Variants in PRPF6 observed in about 807,000 individuals in gnomAD.
PRPF6 encodes the protein pre-mRNA processing factor 6.
PRPF6 carries 42 observed loss-of-function variants against 118.3 expected under a neutral mutation model. The ratio of observed to expected loss-of-function variants is 0.35; its 90% CI spans 0.28 to 0.46. The LOEUF (loss-of-function observed/expected upper bound fraction) is 0.46. PRPF6 is among the 20% of genes least tolerant of loss of function. PRPF6 has a pLI of 1.00. For missense variants in PRPF6, 662 were observed against 1,255.7 expected, an observed-to-expected ratio of 0.53 and a Z score of 7.15; for synonymous variants, 481 against 485.1, an observed-to-expected ratio of 0.99 and a Z score of 0.11.
chr20:64,025,886 G>C, intron 14 of PRPF6, 53 bp from the exon 15 acceptor site: 1 of 1,612,846 alleles, frequency 6.2e-7, no homozygotes, highest in Non-Finnish European at 8.5e-7. Context: ...GTGTGATCAG[G>C]CGCTGGTCCC....
chr20:63,981,975 G>C (rs141271876), intron 1 of PRPF6, among the ~76,000 whole-genome samples: 1 of 151,930 alleles, frequency 6.6e-6, no homozygotes, highest in African/African-American at 2.4e-5. Flanking sequence ...AAACGGTGAC[G>C]ATAGAAGAGA....
intron 6 of PRPF6, among the ~76,000 whole-genome samples, chr20:63,996,411 C>T (rs2059141438): frequency 6.6e-6 from 1 of 152,142 alleles, no homozygotes; most frequent in East Asian, 1.9e-4. Context: ...CCTCCCTGGG[C>T]TAAGGCGATC....
At chr20:63,989,133 T>C (rs985568718) in intron 3 of PRPF6, among the ~76,000 whole-genome samples, 3 of 152,162 alleles carry the variant, frequency 2.0e-5, no homozygotes, top group Non-Finnish European at 4.4e-5. Flanking sequence ...GGAATATTTA[T>C]TGGGGAAAAG....
chr20:63,999,833 G>A, intron 8 of PRPF6, 74 bp downstream of exon 8: 13 of 1,552,402 alleles, frequency 8.4e-6, no homozygotes, highest in East Asian at 2.3e-5. Flanking sequence ...ACTTGTTAGA[G>A]CAAATCTCTT....
chr20:64,011,269 T>C lies in PRPF6; in HGVS notation c.1306-16T>C, dbSNP rs1402665321. Reference sequence around the variant, plus strand: ...GCACAGTGTCCTCTCCTTTTTCTCGTGTCCTCTCCGCGTAGCTCTGGCTTG... The same window carrying C: ...GCACAGTGTCCTCTCCTTTTTCTCGCGTCCTCTCCGCGTAGCTCTGGCTTG... On this transcript the variant is annotated splice_polypyrimidine_tract_variant and intron_variant, in intron 10 of 20. Transcript: ENST00000266079. The surrounding 1 kb of genome is among the most constrained non-coding windows in gnomAD (Gnocchi z 6.7). 4.3e-6 allele frequency: 7 copies of C among 1,613,416 alleles called. No individual in the cohort carries two copies. Among genetic ancestry groups the C allele is most frequent in the African/African-American group, 1.3e-5 (1 of 74,916 alleles).
intron 14 of PRPF6, 108 bp from the exon 15 acceptor site, chr20:64,025,831 C>T: frequency 6.3e-7 from 1 of 1,592,896 alleles, no homozygotes; most frequent in South Asian, 1.1e-5. Flanking sequence ...AATCCTGTAG[C>T]AGAGCAAGGC....
chr20:63,985,144 G>T, intron 3 of PRPF6, 119 bp downstream of exon 3: 1 of 768,108 alleles, frequency 1.3e-6, no homozygotes, highest in Non-Finnish European at 2.2e-6. Context: ...TAGGACGATA[G>T]CTAGAGCCCA....
chr20:63,992,017 G>T (rs2059120815), intron 3 of PRPF6, among the ~76,000 whole-genome samples: 1 of 152,170 alleles, frequency 6.6e-6, no homozygotes, highest in Admixed American at 6.6e-5. Context: ...AAGGAAAGGT[G>T]GGATGAGTTC....
At chr20:64,021,783 T>C (rs971979697) in intron 12 of PRPF6, among the ~76,000 whole-genome samples, 8 of 150,276 alleles carry the variant, frequency 5.3e-5, no homozygotes, top group Non-Finnish European at 8.9e-5. Flanking sequence ...GCCCTGTGTG[T>C]GTGCGTGTGT....
intron 7 of PRPF6, among the ~76,000 whole-genome samples, chr20:63,999,387 T>C (rs1013231130): frequency 1.3e-5 from 2 of 152,202 alleles, no homozygotes. Context: ...GTGTCCCACA[T>C]GTCCCATCTG....
At chr20:63,990,384 C>T (rs1039785982) in intron 3 of PRPF6, among the ~76,000 whole-genome samples, 2 of 152,096 alleles carry the variant, frequency 1.3e-5, no homozygotes, top group African/African-American at 2.4e-5. Flanking sequence ...ATGTGCCTGG[C>T]CTGGACATCT....
At chr20:64,021,988 C>CTGTGTGTGTGTGTGTGTGTG (rs111363019) in intron 12 of PRPF6, among the ~76,000 whole-genome samples, 6 of 135,744 alleles carry the variant, frequency 4.4e-5, no homozygotes, top group African/African-American at 1.7e-4. Flanking sequence ...GGCCACAGCC[C>CTGTGTGTGTGTGTGTGTGTG]TGTGTGTGTG....
chr20:63,991,363 A>G (rs996712924), intron 3 of PRPF6, among the ~76,000 whole-genome samples: 22 of 152,034 alleles, frequency 1.4e-4, no homozygotes, highest in Non-Finnish European at 2.6e-4. Flanking sequence ...TAGAGGCTAC[A>G]GTGAGCTATG....
chr20:64,024,782 A>C (rs2059280825), intron 14 of PRPF6, 89 bp downstream of exon 14: 1 of 1,514,122 alleles, frequency 6.6e-7, no homozygotes, highest in African/African-American at 1.4e-5. Context: ...TCCCACATAC[A>C]ATGTGGCACG....
chr20:64,031,215 C>T (rs375760528), intron 19 of PRPF6, among the ~76,000 whole-genome samples: 3 of 152,310 alleles, frequency 2.0e-5, no homozygotes, highest in Middle Eastern at 3.4e-3. Flanking sequence ...TGCTGGAGGC[C>T]GGGTGGGGCA....
Position 64,026,092 on chromosome 20 carries a change from G to A in PRPF6, c.2028+34G>A, listed in dbSNP as rs2059288961. On this transcript the variant is annotated intron_variant, in intron 15 of 20. Transcript: ENST00000266079. This position sits in a 1 kb window ranked among gnomAD's most constrained non-coding sequence, Gnocchi z 4.4. The stretch of plus-strand genomic sequence containing the variant: ...TGGCAGGCAGGGCTGGGCCGTCTGG[G>A]GTGCATGGTGTGCACATGCGGGCCC... The A allele has an allele frequency of 6.3e-6, 10 of 1,598,008 alleles. 1 individual carries two copies. Among genetic ancestry groups the A allele is most frequent in the African/African-American group, 5.3e-5 (4 of 75,008 alleles).
In PRPF6 at chr20:63,986,730, C is replaced by T. The variant is rs1215416612; in HGVS notation, c.359+1705C>T. Among the ~76,000 whole-genome samples the T allele has an allele frequency of 5.3e-5, 8 of 151,654 alleles. No homozygotes were observed. The East Asian group carries it at 6.0e-4, about 11-fold the overall frequency. ...GTCTTGATCTCCTGACCTCATGATC[C>T]ACCTGCCTCGGCCTCCCAAAGTGCT... On this transcript the variant is annotated intron_variant, in intron 3 of 20. Transcript: ENST00000266079.
Position 64,010,231 on chromosome 20 carries a change from G to A in PRPF6, c.1218G>A (p.Leu406=), listed in dbSNP as rs1452908423. The A allele has an allele frequency of 3.1e-6, 5 of 1,614,212 alleles. No homozygotes were observed. Among genetic ancestry groups the A allele is most frequent in the East Asian group, 2.2e-5 (1 of 44,892 alleles). ...AGCATGTTCCAAACTCGGTTCGCTT[G>A]TGGAAAGCAGCCGTTGAGCTGGAAG... ...ALEHVPNSVR[L]WKAAVELEEP... is the part of the protein sequence containing the mutation. Residue 406 remains leucine, a synonymous_variant, in exon 10 of 21, where the codon TTG becomes TTA. Coordinates refer to ENST00000266079, the MANE Select transcript of PRPF6 (RefSeq NM_012469.4).
chr20:63,985,089 C>T (rs1035152712), intron 3 of PRPF6, 64 bp downstream of exon 3: 62 of 1,308,668 alleles, frequency 4.7e-5, no homozygotes, highest in Non-Finnish European at 6.2e-5. Context: ...TGTGGCCAGG[C>T]GCAGTGGCTC....
Sources: allele counts gnomAD v4.1 joint callset (sites outside exome capture counted in the v4.1 genomes callset), GRCh38; gene constraint gnomAD v4.1.1; non-coding constraint Gnocchi (gnomAD v3.1); transcripts MANE v1.5; gene names NCBI Gene and HGNC (gene_info 2026-07-23, HGNC 2026-07-21).